The following COG6 variants were observed in gnomAD, a reference collection of about 807,000 sequenced individuals.
COG6 encodes component of oligomeric golgi complex 6.
COG6 carries 74 observed loss-of-function variants against 88.8 expected under a neutral mutation model. The ratio of observed to expected loss-of-function variants is 0.83; its 90% CI spans 0.69 to 1.01. COG6 has a LOEUF of 1.01. COG6 is among the 50% of genes least tolerant of loss of function. COG6 has a pLI of 0.00. For synonymous variants in COG6, 286 were observed against 278.7 expected (o/e 1.03, Z -0.26); for missense variants, 800 against 797.9 (o/e 1.00, Z -0.03).
intron 18 of COG6, among the ~76,000 whole-genome samples, chr13:39,777,970 A>G (rs1037345220): frequency 6.6e-6 from 1 of 152,198 alleles, no homozygotes; most frequent in Admixed American, 6.5e-5. Context: ...GCCCAGTGCC[A>G]TGGGCATTAA....
intron 13 of COG6, among the ~76,000 whole-genome samples, chr13:39,709,904 A>G (rs926202351): frequency 1.3e-5 from 2 of 152,172 alleles, no homozygotes; most frequent in Non-Finnish European, 2.9e-5. Context: ...ACTGCAGTGA[A>G]GTGGAAATGG....
At chr13:39,697,503 C>A (rs766445836) in intron 12 of COG6, among the ~76,000 whole-genome samples, 8 of 151,980 alleles carry the variant, frequency 5.3e-5, no homozygotes, top group Non-Finnish European at 1.0e-4. Context: ...TCCTTTCCTG[C>A]AAAACTTTTC....
chr13:39,736,881 G>A (rs1041115303), intron 18 of COG6, among the ~76,000 whole-genome samples: 3 of 152,156 alleles, frequency 2.0e-5, no homozygotes, highest in Admixed American at 6.5e-5. Context: ...CTTGATGCTT[G>A]TAGATGTTCA....
chr13:39,667,584 G>C (rs1875353149), intron 4 of COG6, among the ~76,000 whole-genome samples: 1 of 152,138 alleles, frequency 6.6e-6, no homozygotes, highest in Non-Finnish European at 1.5e-5. Flanking sequence ...GTACTTTTCA[G>C]AGCATCTTCA....
intron 18 of COG6, among the ~76,000 whole-genome samples, chr13:39,775,017 A>C (rs943599578): frequency 6.6e-6 from 1 of 152,242 alleles, no homozygotes. Context: ...AATGACAATG[A>C]AATATCAACA....
At chr13:39,724,268 CT>C (rs2138085642) in intron 16 of COG6, among the ~76,000 whole-genome samples, 1 of 152,060 alleles carries the variant, frequency 6.6e-6, no homozygotes, top group South Asian at 2.1e-4. Flanking sequence ...TATGCGTAAA[CT>C]TGAAGTATCA....
At chr13:39,659,299 G>T in intron 1 of COG6, 65 bp from the exon 2 acceptor site, 2 of 1,427,922 alleles carry the variant, frequency 1.4e-6, no homozygotes, top group East Asian at 2.3e-5. Context: ...ATTACATTTT[G>T]TCTTGAGATT....
At chr13:39,748,414 A>C (rs1880452399) in intron 18 of COG6, among the ~76,000 whole-genome samples, 1 of 152,110 alleles carries the variant, frequency 6.6e-6, no homozygotes, top group African/African-American at 2.4e-5. Flanking sequence ...CAGGATTTTG[A>C]GACCAGCCTT....
chr13:39,719,913 T>A, intron 15 of COG6, 86 bp downstream of exon 15: 1 of 1,013,030 alleles, frequency 9.9e-7, no homozygotes, highest in Non-Finnish European at 1.5e-6. Context: ...TAACTAGTTT[T>A]AATGACCTAA....
intron 15 of COG6, among the ~76,000 whole-genome samples, 197 bp downstream of exon 15, chr13:39,720,024 C>CACAT (rs1235862142): frequency 4.8e-5 from 7 of 144,806 alleles, no homozygotes; most frequent in African/African-American, 1.0e-4. Flanking sequence ...CACACACACA[C>CACAT]ACAAATTCAG....
At chr13:39,686,606 T>G (rs1876653690) in intron 8 of COG6, among the ~76,000 whole-genome samples, 1 of 152,232 alleles carries the variant, frequency 6.6e-6, no homozygotes, top group South Asian at 2.1e-4. Flanking sequence ...AATATTGGAG[T>G]CAAAATAAGC....
At chr13:39,655,642 C>T, upstream of COG6, 1 of 1,476,122 alleles carries the variant, frequency 6.8e-7, no homozygotes, top group South Asian at 1.2e-5. Flanking sequence ...GCATGCGCGG[C>T]CGATTTGCAC....
chr13:39,656,080 C>G (rs1176679941), intron 1 of COG6: 2 of 718,794 alleles, frequency 2.8e-6, no homozygotes, highest in Non-Finnish European at 5.1e-6. Flanking sequence ...TCCGGAAAAG[C>G]GAAGGGGTTT....
chr13:39,707,474 A>G (rs907264737), intron 13 of COG6, among the ~76,000 whole-genome samples: 5 of 152,290 alleles, frequency 3.3e-5, no homozygotes, highest in Middle Eastern at 3.4e-3. Flanking sequence ...TAAAGTATAC[A>G]GTTAGTTGAA....
At chr13:39,782,781 G>A (rs1186644950) in intron 18 of COG6, among the ~76,000 whole-genome samples, 1 of 152,128 alleles carries the variant, frequency 6.6e-6, no homozygotes, top group African/African-American at 2.4e-5. Flanking sequence ...GTGCTCAGGG[G>A]GGAACAGCAT....
intron 18 of COG6, among the ~76,000 whole-genome samples, chr13:39,765,981 A>G (rs1375930695): frequency 1.3e-5 from 2 of 152,190 alleles, no homozygotes; most frequent in Non-Finnish European, 2.9e-5. Flanking sequence ...GGATTTAGCA[A>G]CCCAACCCTT....
At chr13:39,708,832 T>G (rs1878084017) in intron 13 of COG6, among the ~76,000 whole-genome samples, 1 of 152,170 alleles carries the variant, frequency 6.6e-6, no homozygotes, top group African/African-American at 2.4e-5. Flanking sequence ...CTTTTATGTT[T>G]TTTTCCAGTT....
intron 13 of COG6, among the ~76,000 whole-genome samples, chr13:39,711,042 C>CTT (rs139957012): frequency 1.3e-5 from 2 of 148,814 alleles, no homozygotes; most frequent in African/African-American, 2.5e-5. Flanking sequence ...CCATGTTTAT[C>CTT]TTTTTTTTTT....
At chr13:39,655,919 G>C in intron 1 of COG6, 40 bp downstream of exon 1, 1 of 1,584,742 alleles carries the variant, frequency 6.3e-7, no homozygotes, top group Non-Finnish European at 8.6e-7. Flanking sequence ...AGGTTCCTGC[G>C]GGGCTGAGCC....
Sources: allele counts gnomAD v4.1 joint callset (sites outside exome capture counted in the v4.1 genomes callset), GRCh38; gene constraint gnomAD v4.1.1; transcripts MANE v1.5; gene names NCBI Gene and HGNC (gene_info 2026-07-23, HGNC 2026-07-21).